The following CHST4 variants were observed in gnomAD, a reference collection of about 807,000 sequenced individuals.
CHST4 encodes the protein GST-3.
For synonymous variants in CHST4, 171 were observed against 195.5 expected, an observed-to-expected ratio of 0.87 and a Z score of 1.05; for missense variants, 466 against 506.0, an observed-to-expected ratio of 0.92 and a Z score of 0.76.
At chr16:71,532,403 A>C (rs1444766599) in intron 1 of CHST4, among the ~76,000 whole-genome samples, 1 of 152,146 alleles carries the variant, frequency 6.6e-6, no homozygotes, top group African/African-American at 2.4e-5. Flanking sequence ...ATTACCAGTC[A>C]TTGACATTTT....
intron 1 of CHST4, among the ~76,000 whole-genome samples, chr16:71,529,293 T>C (rs1356478883): frequency 6.6e-6 from 1 of 151,988 alleles, no homozygotes; most frequent in Non-Finnish European, 1.5e-5. Context: ...AACTGTTTTT[T>C]GGACCAAGGG....
At chr16:71,534,846 T>A (rs528464715) in intron 1 of CHST4, among the ~76,000 whole-genome samples, 42 of 152,314 alleles carry the variant, frequency 2.8e-4, no homozygotes, top group Admixed American at 1.6e-3. Context: ...GTGTACATGG[T>A]GATATACAAA....
rs151246509 is a variant in CHST4 at position 71,536,960 on chromosome 16, C to A, written c.283C>A (p.Arg95=). 1 of 1,613,828 alleles carries A rather than the reference C, an allele frequency of 6.2e-7. No individual in the cohort carries two copies. Among genetic ancestry groups the A allele is most frequent in the South Asian group, 1.1e-5 (1 of 91,030 alleles). The change falls in exon 2 of 2, where the codon CGG becomes AGG. Residue 95 remains arginine, a synonymous_variant. Coordinates refer to ENST00000539698, the MANE Select transcript of CHST4 (RefSeq NM_001166395.2). ...STAWMLHMAV[R]DLIRAVFLCD... is the part of the protein sequence containing the mutation. ...CGCCTGGATGCTGCACATGGCTGTGCGGGATCTGATACGGGCCGTCTTCTT... is the reference window on the plus strand; with the variant it reads ...CGCCTGGATGCTGCACATGGCTGTGAGGGATCTGATACGGGCCGTCTTCTT...
At chr16:71,529,261 A>G (rs1215841205) in intron 1 of CHST4, among the ~76,000 whole-genome samples, 1 of 152,058 alleles carries the variant, frequency 6.6e-6, no homozygotes, top group African/African-American at 2.4e-5. Flanking sequence ...CCTGGTTTTA[A>G]TTAATGCATG....
rs1003782912 is a variant in CHST4 at position 71,538,607 on chromosome 16, C to G, written c.*769C>G. Reference sequence around the variant, plus strand: ...CTAAGCTAAGAATAGATGTAATCATCTTTATTGGTTTTTTAAAACACCTTT... The same window carrying G: ...CTAAGCTAAGAATAGATGTAATCATGTTTATTGGTTTTTTAAAACACCTTT... On this transcript the variant is annotated 3_prime_UTR_variant, in exon 2 of 2. Transcript: ENST00000539698. The G allele has an allele frequency of 3.6e-5, 6 of 166,820 alleles. No individual in the cohort carries two copies. The highest frequency in any genetic ancestry group is 1.4e-4 in the African/African-American group (6 of 41,440). The allele number at this position is 166,820 out of a possible 1,614,324, so 10.3% of individuals were successfully genotyped here. A position where few individuals can be genotyped will look rare whatever the true frequency, so the allele number is the denominator to read the frequency against.
chr16:71,537,931 T>C lies in CHST4; in HGVS notation c.*93T>C. On this transcript the variant is annotated 3_prime_UTR_variant, in exon 2 of 2. Coordinates refer to ENST00000539698, the MANE Select transcript of CHST4 (RefSeq NM_001166395.2). The surrounding 1 kb of genome is among the most constrained non-coding windows in gnomAD (Gnocchi z 4.2). ...CTTGCCTACATCTCTGAGCCTTAAC[T>C]ACATGTCTGTGGGTATCACACTGAG... The C allele has an allele frequency of 1.7e-6, 2 of 1,164,774 alleles. No homozygotes were observed. The highest frequency in any genetic ancestry group is 2.5e-6 in the Non-Finnish European group (2 of 816,016). 72.2% of individuals were successfully genotyped at this position (1,164,774 alleles called of 1,614,324 possible). A position where few individuals can be genotyped will look rare whatever the true frequency, so the allele number is the denominator to read the frequency against.
At position 71,538,005 on chromosome 16, in the gene CHST4, G is replaced by T. The variant is rs1278189499; in HGVS notation, c.*167G>T. The T allele has an allele frequency of 9.2e-6, 6 of 653,322 alleles. No homozygotes were observed. The highest frequency in any genetic ancestry group is 1.6e-5 in the Non-Finnish European group (6 of 374,634). The allele number at this position is 653,322 out of a possible 1,614,324, so 40.5% of individuals were successfully genotyped here. Reference sequence around the variant, plus strand: ...CAAGCAGAAGGACTTTTGTGTCCATGCTTGTGTCTAGAAAACAGACTGGGG... The same window carrying T: ...CAAGCAGAAGGACTTTTGTGTCCATTCTTGTGTCTAGAAAACAGACTGGGG... On this transcript the variant is annotated 3_prime_UTR_variant, in exon 2 of 2. Coordinates refer to ENST00000539698, the MANE Select transcript of CHST4 (RefSeq NM_001166395.2).
chr16:71,534,714 C>A (rs2043975130), intron 1 of CHST4, among the ~76,000 whole-genome samples: 1 of 152,072 alleles, frequency 6.6e-6, no homozygotes, highest in African/African-American at 2.4e-5. Flanking sequence ...ATAATAAAAA[C>A]TTTTTAAATA....
Position 71,537,259 on chromosome 16 carries a change from C to T in CHST4, c.582C>T (p.Pro194=). 1 of 1,614,226 alleles carries T rather than the reference C, an allele frequency of 6.2e-7. No homozygotes were observed. Among genetic ancestry groups the T allele is most frequent in the Middle Eastern group, 1.6e-4 (1 of 6,062 alleles). ...CCCTCTACCCGCTGCTGAAAGACCCCTCCCTCAACCTGCATATCGTGCACC... is the reference window on the plus strand; with the variant it reads ...CCCTCTACCCGCTGCTGAAAGACCCTTCCCTCAACCTGCATATCGTGCACC... The part of the protein sequence containing the change: ...LQSLYPLLKD[P]SLNLHIVHLV... Residue 194 remains proline, a synonymous_variant, in exon 2 of 2, where the codon CCC becomes CCT. Coordinates refer to ENST00000539698, the MANE Select transcript of CHST4 (RefSeq NM_001166395.2). This position sits in a 1 kb window ranked among gnomAD's most constrained non-coding sequence, Gnocchi z 4.2.
intron 1 of CHST4, among the ~76,000 whole-genome samples, chr16:71,528,535 A>T (rs562847177): frequency 6.8e-4 from 104 of 152,274 alleles, no homozygotes; most frequent in African/African-American, 1.4e-3. Context: ...AGAGTTTGTT[A>T]TATGGACACC....
chr16:71,533,151 A>G (rs1224584227), intron 1 of CHST4, among the ~76,000 whole-genome samples: 2 of 152,200 alleles, frequency 1.3e-5, no homozygotes, highest in East Asian at 3.8e-4. Context: ...GGCCAGGCAC[A>G]GTGGCTCATG....
At chr16:71,531,225 T>G (rs1274555718) in intron 1 of CHST4, among the ~76,000 whole-genome samples, 1 of 152,140 alleles carries the variant, frequency 6.6e-6, no homozygotes, top group Non-Finnish European at 1.5e-5. Context: ...GAGGACACTA[T>G]TGAAGAGTCT....
intron 1 of CHST4, among the ~76,000 whole-genome samples, chr16:71,535,503 C>G (rs1368562479): frequency 6.6e-6 from 1 of 152,160 alleles, no homozygotes; most frequent in Non-Finnish European, 1.5e-5. Context: ...GACCAAGATA[C>G]TTTACTATCA....
chr16:71,536,804 A>G lies in CHST4; in HGVS notation c.127A>G (p.Met43Val), dbSNP rs2043992065. The G allele has an allele frequency of 3.3e-6, 5 of 1,528,892 alleles. No homozygotes were observed. The highest frequency in any genetic ancestry group is 2.1e-5 in the Admixed American group (1 of 47,114). The allele number at this position is 1,528,892 out of a possible 1,614,324, so 94.7% of individuals were successfully genotyped here. A position where few individuals can be genotyped will look rare whatever the true frequency, so the allele number is the denominator to read the frequency against. The change falls in exon 2 of 2, where the codon ATG (methionine) becomes GTG (valine). Residue 43 changes from methionine (M) to valine (V), a missense_variant. Physicochemically the swap from Met to Val is conservative, Grantham distance 21 (BLOSUM62 1). Coordinates refer to ENST00000539698, the MANE Select transcript of CHST4 (RefSeq NM_001166395.2). ...GTCTATGAAGGCACAGCCCGAGCGC[A>G]TGCACGTGCTGGTTCTGTCTTCCTG... ...SLSMKAQPER[M>V]HVLVLSSWRS...
intron 1 of CHST4, among the ~76,000 whole-genome samples, chr16:71,528,956 G>A (rs57342394): frequency 0.14 from 20,750 of 152,008 alleles, 1,746 homozygotes; most frequent in African/African-American, 0.23. Flanking sequence ...AGTTCCTAAG[G>A]TTCTCTTGAC....
chr16:71,534,604 C>T (rs961432751), intron 1 of CHST4, among the ~76,000 whole-genome samples: 11 of 151,974 alleles, frequency 7.2e-5, no homozygotes, highest in Admixed American at 3.3e-4. Flanking sequence ...ATGATCCACC[C>T]GCCTCGGCCT....
intron 1 of CHST4, among the ~76,000 whole-genome samples, chr16:71,531,761 C>T (rs1370731133): frequency 1.3e-5 from 2 of 152,168 alleles, no homozygotes; most frequent in Non-Finnish European, 2.9e-5. Flanking sequence ...TAATTATAAG[C>T]CCTGCTTATA....
chr16:71,533,559 T>C, intron 1 of CHST4, among the ~76,000 whole-genome samples: 1 of 151,760 alleles, frequency 6.6e-6, no homozygotes. Context: ...AGCAGATAAA[T>C]AGCAGCTGTC....
intron 1 of CHST4, among the ~76,000 whole-genome samples, chr16:71,527,985 T>G (rs1399626185): frequency 6.6e-6 from 1 of 152,076 alleles, no homozygotes; most frequent in Non-Finnish European, 1.5e-5. Context: ...TCAGGTTAAA[T>G]TTTAAAAAGA....
Sources: gnomAD v4.1 joint callset for allele counts (sites outside exome capture counted in the v4.1 genomes callset) on GRCh38, gnomAD v4.1.1 for gene constraint, Gnocchi (gnomAD v3.1) non-coding constraint, MANE v1.5 for transcripts, NCBI Gene and HGNC (gene_info 2026-07-23, HGNC 2026-07-21) for gene names.